DNAH14: variants seen among roughly 807,000 people sequenced by gnomAD.
The protein encoded by DNAH14 is axonemal beta dynein heavy chain 14.
In DNAH14, 478 loss-of-function variants were observed where a neutral mutation model predicts 520.9. That is an observed-to-expected ratio of 0.92 (90% confidence interval 0.85 to 0.99). The LOEUF (loss-of-function observed/expected upper bound fraction) is 0.99. Among genes scored for constraint, DNAH14 ranks in the 50% least tolerant of loss-of-function variants. DNAH14 has a pLI of 0.00. For missense variants in DNAH14, 4,831 were observed against 5,234.5 expected, an observed-to-expected ratio of 0.92 and a Z score of 2.38; for synonymous variants, 1,581 against 1,757.2, an observed-to-expected ratio of 0.90 and a Z score of 2.51.
At chr1:225,013,290 A>G (rs1467491457) in intron 10 of DNAH14, among the ~76,000 whole-genome samples, 2 of 152,008 alleles carry the variant, frequency 1.3e-5, no homozygotes, top group Non-Finnish European at 2.9e-5. Flanking sequence ...GGGTATCACC[A>G]ATGGAGGCTG....
chr1:225,080,097 A>G (rs1374834638), intron 18 of DNAH14, among the ~76,000 whole-genome samples: 1 of 152,206 alleles, frequency 6.6e-6, no homozygotes, highest in Non-Finnish European at 1.5e-5. Context: ...TTTCTCAACT[A>G]TGAATGAATG....
At chr1:225,141,359 G>A (rs2079446388) in intron 28 of DNAH14, among the ~76,000 whole-genome samples, 2 of 151,644 alleles carry the variant, frequency 1.3e-5, no homozygotes, top group Non-Finnish European at 2.9e-5. Flanking sequence ...ATCTCTTAAT[G>A]TGCCTCATTT....
chr1:224,967,828 T>C (rs1396842334), intron 6 of DNAH14: 6 of 1,315,676 alleles, frequency 4.6e-6, no homozygotes, highest in Non-Finnish European at 5.8e-6. Flanking sequence ...ACTTTGTTAA[T>C]ACTTGGGGTA....
Position 225,303,240 on chromosome 1 carries a change from A to G in DNAH14, c.8716A>G (p.Met2906Val), listed in dbSNP as rs1197550275. 2.6e-6 allele frequency: 4 copies of G among 1,551,414 alleles called. No individual in the cohort carries two copies. Among genetic ancestry groups the G allele is most frequent in the South Asian group, 2.4e-5 (2 of 83,992 alleles). ...CCAAAATTGTAGAGTGTATCCTTCT[A>G]TGATTAGCTCCTGCACGATCGATTG... ...FRQNCRVYPS[M>V]ISSCTIDWYE... Residue 2906 changes from methionine to valine, a missense_variant, in exon 57 of 86, where the codon ATG (methionine) becomes GTG (valine). Transcript: ENST00000682510.
At chr1:225,256,095 T>C (rs1029920571) in intron 44 of DNAH14, among the ~76,000 whole-genome samples, 3 of 152,192 alleles carry the variant, frequency 2.0e-5, no homozygotes, top group African/African-American at 7.2e-5. Context: ...TAAATTTTAA[T>C]TATTTGCAGA....
rs74517776 is a variant in DNAH14, at chr1:225,380,168, G to T, written c.12726G>T (p.Gln4242His). The T allele has an allele frequency of 8.3e-4, 1,283 of 1,551,418 alleles. 7 individuals are homozygous for T. In the African/African-American group the frequency reaches 0.014, roughly 16 times the overall value. Residue 4242 changes from glutamine to histidine, a missense_variant, in exon 80 of 86, where the codon CAG becomes CAT. By Grantham distance (24) the Gln-to-His change is conservative (BLOSUM62 0). Coordinates refer to ENST00000682510, the MANE Select transcript of DNAH14 (RefSeq NM_001367479.1). ...TTANLMIRPE[Q>H]SKDELVMEIL... ...TTGGTTTTTTTTGCAGACCTGAGCAGAGTAAGGATGAACTGGTGATGGAAA... is the reference window on the plus strand; with the variant it reads ...TTGGTTTTTTTTGCAGACCTGAGCATAGTAAGGATGAACTGGTGATGGAAA...
chr1:225,365,606 C>G (rs550756020), intron 76 of DNAH14, among the ~76,000 whole-genome samples: 1 of 152,292 alleles, frequency 6.6e-6, no homozygotes, highest in Admixed American at 6.5e-5. Flanking sequence ...TCTACCCAAA[C>G]TGACAGTACT....
chr1:224,970,716 C>T (rs908913927), intron 7 of DNAH14, among the ~76,000 whole-genome samples: 2 of 152,018 alleles, frequency 1.3e-5, no homozygotes, highest in African/African-American at 4.8e-5. Flanking sequence ...CTGAATTTCC[C>T]CTGATAGGTT....
rs577109205 is a variant in DNAH14 at position 225,177,913 on chromosome 1, C to T, written c.5536-7378C>T. Among the ~76,000 whole-genome samples the T allele has an allele frequency of 2.6e-5, 4 of 152,244 alleles. No homozygotes were observed. The East Asian group carries it at 7.7e-4, about 29-fold the overall frequency. On this transcript the variant is annotated intron_variant, in intron 36 of 85. Coordinates refer to ENST00000682510, the MANE Select transcript of DNAH14 (RefSeq NM_001367479.1). ...AGAAGAGGGCCACCATCCTCCAGAA[C>T]CCAGGATGGTAGATCCACTGACAGC...
chr1:225,198,003 C>T (rs1488687296), intron 38 of DNAH14, among the ~76,000 whole-genome samples: 1 of 152,136 alleles, frequency 6.6e-6, no homozygotes, highest in East Asian at 1.9e-4. Flanking sequence ...TTGACTTCCT[C>T]TTTATTGATT....
intron 35 of DNAH14, 70 bp downstream of exon 35, chr1:225,159,555 A>T (rs1242370053): frequency 6.0e-6 from 8 of 1,329,446 alleles, no homozygotes; most frequent in Non-Finnish European, 7.0e-6. Flanking sequence ...CTAGATGTGG[A>T]TTAAAAATAT....
At chr1:224,973,485 A>G (rs1461219445) in intron 7 of DNAH14, among the ~76,000 whole-genome samples, 1 of 152,182 alleles carries the variant, frequency 6.6e-6, no homozygotes, top group Non-Finnish European at 1.5e-5. Context: ...AGGTGGCCAT[A>G]TTCATTTAGA....
intron 47 of DNAH14, among the ~76,000 whole-genome samples, chr1:225,264,670 C>T (rs948588207): frequency 6.6e-6 from 1 of 152,122 alleles, no homozygotes; most frequent in African/African-American, 2.4e-5. Context: ...TCAGGAGCCT[C>T]ATCCTTGAAA....
intron 65 of DNAH14, among the ~76,000 whole-genome samples, chr1:225,332,732 T>A (rs903802746): frequency 6.6e-6 from 1 of 151,562 alleles, no homozygotes; most frequent in Non-Finnish European, 1.5e-5. Flanking sequence ...TGGTGGCTCA[T>A]GTCTGTAATC....
intron 21 of DNAH14, among the ~76,000 whole-genome samples, chr1:225,090,408 G>A (rs995847129): frequency 3.3e-5 from 5 of 152,142 alleles, no homozygotes; most frequent in African/African-American, 1.2e-4. Flanking sequence ...TTGTGGAAAT[G>A]TAAAAGTCCT....
chr1:225,118,323 A>G, intron 25 of DNAH14: 1 of 338,700 alleles, frequency 3.0e-6, no homozygotes, highest in Non-Finnish European at 5.5e-6. Context: ...TAGTATATGA[A>G]TATAGATAAG....
At chr1:224,970,639 C>T (rs1174326460) in intron 7 of DNAH14, among the ~76,000 whole-genome samples, 5 of 151,986 alleles carry the variant, frequency 3.3e-5, no homozygotes, top group Non-Finnish European at 2.9e-5. Flanking sequence ...TCAGACTGGC[C>T]GACACTTAGG....
Position 224,994,386 on chromosome 1 carries a change from TATC to T in DNAH14, c.831-8393_831-8391del, listed in dbSNP as rs1215562771. Among the ~76,000 whole-genome samples the T allele has an allele frequency of 3.3e-5, 5 of 152,206 alleles. No homozygotes were observed. In the East Asian group the frequency reaches 9.6e-4, roughly 29 times the overall value. ...GTTGGGTGTGTATATAGTTATGACA[TATC>T]ATCTTGATGAGTTGACCCCTTTATC... is the stretch of plus-strand genomic sequence containing the variant. On this transcript the variant is annotated intron_variant, in intron 8 of 85. Transcript: ENST00000682510.
At chr1:225,245,497 CTCAGGACACAAAA>C (rs2092230556) in intron 43 of DNAH14, among the ~76,000 whole-genome samples, 1 of 152,082 alleles carries the variant, frequency 6.6e-6, no homozygotes, top group Admixed American at 6.6e-5. Context: ...TCTGCAAAGT[CTCAGGACACAAAA>C]TCAATGTGCA....
Sources: allele counts gnomAD v4.1 joint callset (sites outside exome capture counted in the v4.1 genomes callset), GRCh38; gene constraint gnomAD v4.1.1; transcripts MANE v1.5; gene names NCBI Gene and HGNC (gene_info 2026-07-23, HGNC 2026-07-21).